The following RICTOR variants were observed in gnomAD, a reference collection of about 807,000 sequenced individuals.
RICTOR encodes the protein RPTOR independent companion of MTOR complex 2, also known as rapamycin-insensitive companion of mTOR.
Under a neutral mutation model 214.9 loss-of-function variants are expected in RICTOR, and 49 were observed. That is an observed-to-expected ratio of 0.23 (90% CI 0.18 to 0.29). The LOEUF (loss-of-function observed/expected upper bound fraction) is 0.29, where lower values mean the gene tolerates loss of function less well. RICTOR is among the 10% of genes least tolerant of loss of function. The pLI is 1.00. For synonymous variants in RICTOR, 717 were observed against 711.3 expected (o/e 1.01, Z -0.13); for missense variants, 1,625 against 2,047.0 (o/e 0.79, Z 3.98).
rs572447130 is a variant in RICTOR at position 39,051,220 on chromosome 5, C to A, written c.97+22891G>T. ...AAGAAACTACAAATAACACAAATGTCCATGATCAAAAGAATGGATAAATAA... is the reference window on the plus strand; with the variant it reads ...AAGAAACTACAAATAACACAAATGTACATGATCAAAAGAATGGATAAATAA... On this transcript the variant is annotated intron_variant, in intron 2 of 37. Transcript: ENST00000357387. Among the ~76,000 whole-genome samples, 8 of 152,218 alleles carry A rather than the reference C, an allele frequency of 5.3e-5. No individual in the cohort carries two copies. The South Asian group carries it at 1.7e-3, about 32-fold the overall frequency.
At chr5:38,981,782 G>A (rs778328692) in intron 8 of RICTOR, 85 bp downstream of exon 8, 3 of 870,478 alleles carry the variant, frequency 3.4e-6, no homozygotes, top group Non-Finnish European at 3.6e-6. Flanking sequence ...ATGTGGTGCT[G>A]CATCTATAAA....
chr5:38,941,753 T>C lies in RICTOR; in HGVS notation c.*551A>G, dbSNP rs1157698102. 4.3e-6 allele frequency: 1 copy of C among 232,450 alleles called. No homozygotes were observed. Among genetic ancestry groups the C allele is most frequent in the East Asian group, 6.1e-5 (1 of 16,388 alleles). The allele number at this position is 232,450 out of a possible 1,614,324, so 14.4% of individuals were successfully genotyped here. On this transcript the variant is annotated 3_prime_UTR_variant, in exon 38 of 38. Transcript: ENST00000357387. ...CTTCTGCTTTGAGGTTATAAACCTC[T>C]GAAGTAGTGTTACAAACATTAAGAA...
At chr5:38,992,798 A>G (rs1752883560) in intron 6 of RICTOR, among the ~76,000 whole-genome samples, 2 of 152,232 alleles carry the variant, frequency 1.3e-5, no homozygotes, top group Non-Finnish European at 2.9e-5. Context: ...GAGAAGCCAT[A>G]AAATGCAGTC....
chr5:38,962,256 T>C (rs1181593454), intron 19 of RICTOR, 59 bp downstream of exon 19: 5 of 763,206 alleles, frequency 6.6e-6, no homozygotes, highest in Non-Finnish European at 8.7e-6. Flanking sequence ...TAGCAGGTAT[T>C]AGGCCTAATA....
At chr5:39,013,972 A>G (rs765806684) in intron 3 of RICTOR, among the ~76,000 whole-genome samples, 2 of 152,134 alleles carry the variant, frequency 1.3e-5, no homozygotes, top group African/African-American at 4.8e-5. Context: ...GTCCCATAAG[A>G]TTATAATACT....
At chr5:39,026,999 A>AC (rs1434751520) in intron 2 of RICTOR, among the ~76,000 whole-genome samples, 2 of 151,984 alleles carry the variant, frequency 1.3e-5, no homozygotes, top group African/African-American at 4.8e-5. Context: ...CAAGAGCAAA[A>AC]CCCCATCTCA....
intron 2 of RICTOR, among the ~76,000 whole-genome samples, chr5:39,052,251 G>A (rs1757908606): frequency 6.6e-6 from 1 of 152,074 alleles, no homozygotes; most frequent in African/African-American, 2.4e-5. Flanking sequence ...TGGTATGCGT[G>A]TATAGTCCTA....
intron 31 of RICTOR, among the ~76,000 whole-genome samples, chr5:38,949,144 TA>T (rs1748476303): frequency 6.6e-6 from 1 of 152,070 alleles, no homozygotes; most frequent in Non-Finnish European, 1.5e-5. Flanking sequence ...AAGTAAAATC[TA>T]AACTGTTCAC....
intron 9 of RICTOR, among the ~76,000 whole-genome samples, chr5:38,976,691 C>T (rs527414155): frequency 1.3e-5 from 2 of 152,254 alleles, no homozygotes; most frequent in African/African-American, 4.8e-5. Context: ...TCAGTCATTT[C>T]CCTGTTCCCT....
chr5:39,066,396 C>T (rs888567782), intron 2 of RICTOR, among the ~76,000 whole-genome samples: 3 of 152,182 alleles, frequency 2.0e-5, no homozygotes, highest in Non-Finnish European at 4.4e-5. Context: ...GGCCTCTGGG[C>T]CTATGATGAG....
chr5:38,952,845 C>A, intron 29 of RICTOR, 140 bp downstream of exon 29: 1 of 565,674 alleles, frequency 1.8e-6, no homozygotes. Flanking sequence ...TAACTTAATA[C>A]AGTTAATAAT....
At chr5:39,055,679 G>A (rs113178728) in intron 2 of RICTOR, among the ~76,000 whole-genome samples, 3 of 152,220 alleles carry the variant, frequency 2.0e-5, no homozygotes, top group Admixed American at 1.3e-4. Flanking sequence ...TGTAAGAAAG[G>A]TAAAATGCAA....
chr5:39,027,524 G>A (rs1755928533), intron 2 of RICTOR, among the ~76,000 whole-genome samples: 1 of 152,064 alleles, frequency 6.6e-6, no homozygotes, highest in Non-Finnish European at 1.5e-5. Flanking sequence ...TGTTTTATAT[G>A]TGCTTCATTA....
intron 7 of RICTOR, among the ~76,000 whole-genome samples, chr5:38,984,343 T>G (rs1751979087): frequency 6.6e-6 from 1 of 152,234 alleles, no homozygotes; most frequent in African/African-American, 2.4e-5. Context: ...ATAATCTATC[T>G]TGTTCAATAA....
At position 38,962,894 on chromosome 5, in the gene RICTOR, T is replaced by C. The variant is rs1198523740; in HGVS notation, c.1548A>G (p.Lys516=). 1 of 1,612,530 alleles carries C rather than the reference T, an allele frequency of 6.2e-7. No homozygotes were observed. Among genetic ancestry groups the C allele is most frequent in the Middle Eastern group, 1.7e-4 (1 of 6,054 alleles). Residue 516 remains lysine (K), a synonymous_variant, in exon 17 of 38, where the codon AAA becomes AAG. Coordinates refer to ENST00000357387, the MANE Select transcript of RICTOR (RefSeq NM_152756.5). ...QKRDQYLRVQ[K]DIFILKDTEE... is the part of the protein sequence containing the mutation. ...TCAGCACCTTAAGGATAAATATATCTTTCTGAACTCGGAGATACTGATCCC... is the reference window on the plus strand; with the variant it reads ...TCAGCACCTTAAGGATAAATATATCCTTCTGAACTCGGAGATACTGATCCC...
intron 2 of RICTOR, among the ~76,000 whole-genome samples, chr5:39,030,982 G>A (rs1756234347): frequency 6.6e-6 from 1 of 152,112 alleles, no homozygotes; most frequent in Non-Finnish European, 1.5e-5. Flanking sequence ...AGGGTGATAT[G>A]CATATAACGG....
intron 2 of RICTOR, among the ~76,000 whole-genome samples, chr5:39,035,690 G>A (rs1480716082): frequency 6.6e-5 from 10 of 152,186 alleles, no homozygotes; most frequent in African/African-American, 9.7e-5. Flanking sequence ...CTCAGTAGCC[G>A]ATTCGATCAA....
intron 7 of RICTOR, among the ~76,000 whole-genome samples, chr5:38,983,820 C>T (rs193157918): frequency 6.6e-6 from 1 of 152,124 alleles, no homozygotes; most frequent in African/African-American, 2.4e-5. Context: ...AAAAAATTAG[C>T]TGGGCATGGT....
intron 24 of RICTOR, among the ~76,000 whole-genome samples, chr5:38,958,158 A>G (rs563437405): frequency 6.6e-6 from 1 of 152,208 alleles, no homozygotes; most frequent in South Asian, 2.1e-4. Flanking sequence ...AATCACTTGA[A>G]CTTGGGAGGC....
Sources: allele counts gnomAD v4.1 joint callset (sites outside exome capture counted in the v4.1 genomes callset), GRCh38; gene constraint gnomAD v4.1.1; transcripts MANE v1.5; gene names NCBI Gene and HGNC (gene_info 2026-07-23, HGNC 2026-07-21).